The following DST variants were observed in gnomAD, a reference collection of about 807,000 sequenced individuals.
The protein encoded by DST is dystonin, also known as bullous pemphigoid antigen.
A neutral mutation model predicts 875.2 loss-of-function variants in DST; 253 were observed. The ratio of observed to expected loss-of-function variants is 0.29; its 90% CI spans 0.26 to 0.32. DST has a LOEUF of 0.32. DST is among the 10% of genes least tolerant of loss of function. The pLI is 1.00. For missense variants in DST, 8,287 were observed against 9,111.6 expected (o/e 0.91, Z 3.68); for synonymous variants, 3,124 against 3,197.1 (o/e 0.98, Z 0.77).
rs906607615 is a variant in DST, at chr6:56,954,678, G to C, written c.-91C>G. 38 of 870,660 alleles carry C rather than the reference G, an allele frequency of 4.4e-5. No homozygotes were observed. The highest frequency in any genetic ancestry group is 6.1e-5 in the Admixed American group (1 of 16,360). The allele number at this position is 870,660 out of a possible 1,614,324, so 53.9% of individuals were successfully genotyped here. A position where few individuals can be genotyped will look rare whatever the true frequency, so the allele number is the denominator to read the frequency against. Reference sequence around the variant, plus strand: ...GGGCGCACGCCGGGACGGCGGGCACGGGTGAGCGCGGCTCAGCGCGTCATG... The same window carrying C: ...GGGCGCACGCCGGGACGGCGGGCACCGGTGAGCGCGGCTCAGCGCGTCATG... On this transcript the variant is annotated 5_prime_UTR_variant, in exon 1 of 104. Coordinates refer to ENST00000680361, the MANE Select transcript of DST (RefSeq NM_001374736.1).
At chr6:56,855,603 T>C (rs1368499408) in intron 3 of DST, among the ~76,000 whole-genome samples, 1 of 152,248 alleles carries the variant, frequency 6.6e-6, no homozygotes, top group Non-Finnish European at 1.5e-5. Flanking sequence ...CATTGTTTAT[T>C]GTCATGCATT....
intron 2 of DST, among the ~76,000 whole-genome samples, chr6:56,903,920 T>C (rs1217748855): frequency 6.6e-6 from 1 of 152,240 alleles, no homozygotes; most frequent in Non-Finnish European, 1.5e-5. Flanking sequence ...TGTGGTATAC[T>C]ACACAGACTC....
chr6:56,633,393 A>AT (rs1236594963), intron 27 of DST, among the ~76,000 whole-genome samples: 2 of 149,762 alleles, frequency 1.3e-5, no homozygotes, highest in African/African-American at 5.0e-5. Context: ...CGCCCGGCTA[A>AT]TTTTTTGTAT....
At chr6:56,646,060 G>A in intron 14 of DST, 27 bp downstream of exon 14, 1 of 1,572,518 alleles carries the variant, frequency 6.4e-7, no homozygotes, top group Non-Finnish European at 8.6e-7. Flanking sequence ...GACTATGCTT[G>A]ACAATACAAA....
In DST at chr6:56,701,944, G is replaced by A. The variant is rs756030058; in HGVS notation, c.898C>T (p.Arg300Cys). 101 of 1,610,690 alleles carry A rather than the reference G, an allele frequency of 6.3e-5. No individual in the cohort carries two copies. The highest frequency in any genetic ancestry group is 8.2e-5 in the Non-Finnish European group (96 of 1,177,722). Reference protein sequence around the residue: ...DKGPREKGRMRFHRLQNVQIA... With the variant: ...DKGPREKGRMCFHRLQNVQIA... The stretch of plus-strand genomic sequence containing the variant: ...TGTACATTCTGTAGTCTGTGAAAAC[G>A]CATCCGACCTTTTTCTCTGGGCTAA... The change falls in exon 8 of 104, where the codon CGT becomes TGT. Residue 300 changes from arginine to cysteine, a missense_variant. By Grantham distance (180) the Arg-to-Cys change is radical (BLOSUM62 -3). Around this residue, in one of 10 missense-constraint regions of DST, gnomAD observed 1,160 missense variants for 1,424.3 expected, o/e 0.81. Coordinates refer to ENST00000680361, the MANE Select transcript of DST (RefSeq NM_001374736.1).
rs1257940084 is a variant in DST, at chr6:56,493,107, T to C, written c.20395-18A>G. On this transcript the variant is annotated intron_variant, in intron 83 of 103. Transcript: ENST00000680361. ...AGTTTAGTCTGCAAGGACAGATTGT[T>C]TAGTATGTGATGTTTAAGGGCCTTG... 1 of 1,602,256 alleles carries C rather than the reference T, an allele frequency of 6.2e-7. No individual in the cohort carries two copies. The highest frequency in any genetic ancestry group is 1.3e-5 in the African/African-American group (1 of 74,906).
intron 7 of DST, among the ~76,000 whole-genome samples, chr6:56,703,051 T>C (rs1468043211): frequency 6.6e-6 from 1 of 152,162 alleles, no homozygotes; most frequent in Non-Finnish European, 1.5e-5. Flanking sequence ...CTTGCAAAGG[T>C]AGGCTGCAGT....
At chr6:56,654,596 A>ATC (rs1563484212) in intron 10 of DST, among the ~76,000 whole-genome samples, 3 of 150,094 alleles carry the variant, frequency 2.0e-5, no homozygotes, top group African/African-American at 7.6e-5. Context: ...CTATATATAT[A>ATC]TATATATATC....
intron 2 of DST, among the ~76,000 whole-genome samples, chr6:56,933,629 GA>G (rs1368847137): frequency 6.6e-6 from 1 of 152,174 alleles, no homozygotes; most frequent in Non-Finnish European, 1.5e-5. Flanking sequence ...TTTTTAAGTA[GA>G]AATGGGAGTT....
Position 56,702,075 on chromosome 6 carries a change from T to C in DST, c.877-110A>G, listed in dbSNP as rs2099310839. 1.8e-5 allele frequency: 11 copies of C among 616,576 alleles called. No homozygotes were observed. The East Asian group carries it at 2.9e-4, about 16-fold the overall frequency. 38.2% of individuals were successfully genotyped at this position (616,576 alleles called of 1,614,324 possible). On this transcript the variant is annotated intron_variant, in intron 7 of 103. Coordinates refer to ENST00000680361, the MANE Select transcript of DST (RefSeq NM_001374736.1). ...ATATATCAAAACAGTATTTACCGTT[T>C]AGGTAAGGCCATAAGATTTTCTAAG... is the stretch of plus-strand genomic sequence containing the variant.
Position 56,773,526 on chromosome 6 carries a change from T to C in DST, c.626-38237A>G, listed in dbSNP as rs377645051. Among the ~76,000 whole-genome samples, 8 of 152,240 alleles carry C rather than the reference T, an allele frequency of 5.3e-5. No individual in the cohort carries two copies. In the South Asian group the frequency reaches 1.5e-3, roughly 28 times the overall value. On this transcript the variant is annotated intron_variant, in intron 4 of 103. Coordinates refer to ENST00000680361, the MANE Select transcript of DST (RefSeq NM_001374736.1). ...GATATTCAGGCAATGTCAAGTGGAC[T>C]AAGCATAAGGTAATGGGGAGGTTGG...
intron 3 of DST, among the ~76,000 whole-genome samples, chr6:56,862,293 C>G (rs1771619804): frequency 6.6e-6 from 1 of 152,084 alleles, no homozygotes; most frequent in Admixed American, 6.6e-5. Flanking sequence ...TATTCTAGAT[C>G]CAGGGAAGAA....
At chr6:56,509,910 G>T in intron 73 of DST, 37 bp from the exon 74 acceptor site, 1 of 1,428,064 alleles carries the variant, frequency 7.0e-7, no homozygotes, top group Non-Finnish European at 9.6e-7. Context: ...ATGGAAAAAA[G>T]ATCTGTAATA....
chr6:56,476,477 ATTAGTG>A (rs2095194290), intron 91 of DST, 140 bp from the exon 92 acceptor site: 3 of 682,054 alleles, frequency 4.4e-6, no homozygotes, highest in Admixed American at 3.3e-5. Flanking sequence ...TTTAGATTCC[ATTAGTG>A]GCATCAAGAT....
chr6:56,600,418 G>A (rs1168988600), intron 44 of DST, among the ~76,000 whole-genome samples, 197 bp from the exon 45 acceptor site: 1 of 152,036 alleles, frequency 6.6e-6, no homozygotes, highest in African/African-American at 2.4e-5. Flanking sequence ...TACAAAGAAA[G>A]TGATCATGTT....
chr6:56,642,493 A>C lies in DST; in HGVS notation c.1789T>G (p.Leu597Val). 6.2e-7 allele frequency: 1 copy of C among 1,613,352 alleles called. No homozygotes were observed. Among genetic ancestry groups the C allele is most frequent in the South Asian group, 1.1e-5 (1 of 91,068 alleles). The change falls in exon 16 of 104, where the codon TTG becomes GTG. Residue 597 changes from leucine (L) to valine (V), a missense_variant. Coordinates refer to ENST00000680361, the MANE Select transcript of DST (RefSeq NM_001374736.1). The stretch of plus-strand genomic sequence containing the variant: ...TGAACTCTGTTGGCAATCTGTTGCA[A>C]CATTTCTAACCTAAAAGATGAGACA... ...LRPEVERLEM[L>V]QQIANRVQRD...
intron 4 of DST, chr6:56,785,945 T>C (rs1289054715): frequency 6.6e-6 from 1 of 152,258 alleles, no homozygotes; most frequent in Non-Finnish European, 1.5e-5. Flanking sequence ...GCTCTATCTA[T>C]ATTCACTTAT....
At chr6:56,631,425 T>C (rs373538358) in intron 29 of DST, 36 bp from the exon 30 acceptor site, 7 of 1,572,564 alleles carry the variant, frequency 4.5e-6, no homozygotes, top group Admixed American at 3.4e-5. Flanking sequence ...TATCAGGCCA[T>C]CACCTGTGAT....
rs375004248 is a variant in DST, at chr6:56,605,117, T to C, written c.9511A>G (p.Thr3171Ala). 17 of 1,612,576 alleles carry C rather than the reference T, an allele frequency of 1.1e-5. No individual in the cohort carries two copies. The highest frequency in any genetic ancestry group is 6.7e-5 in the East Asian group (3 of 44,844). ...TCAAGCTCTTTCTCAGGTCCATCAG[T>C]GAATGACTCCTCAAAATGTGTATTC... Reference protein sequence around the residue: ...EGNTHFEESFTDGPEKELDLF... With the variant: ...EGNTHFEESFADGPEKELDLF... The change falls in exon 40 of 104, where the codon ACT becomes GCT. Residue 3171 changes from threonine to alanine, a missense_variant. Physicochemically the swap from Thr to Ala is moderately conservative, Grantham distance 58. Transcript: ENST00000680361.
Sources: allele counts gnomAD v4.1 joint callset (sites outside exome capture counted in the v4.1 genomes callset), GRCh38; gene constraint gnomAD v4.1.1; regional missense constraint gnomAD v4.1.1; transcripts MANE v1.5; gene names NCBI Gene and HGNC (gene_info 2026-07-23, HGNC 2026-07-21).